COL1A1: variants seen among roughly 807,000 people sequenced by gnomAD.
The protein encoded by COL1A1 is collagen alpha-1(I) chain.
COL1A1 carries 21 observed loss-of-function variants against 195.7 expected under a neutral mutation model. That is an observed-to-expected ratio of 0.11 (90% CI 0.08 to 0.15). The LOEUF is 0.15. Ranked by LOEUF, COL1A1 falls within the 10% of genes least tolerant of loss-of-function variation. The pLI is 1.00. For missense variants in COL1A1, 1,365 were observed against 2,051.0 expected (o/e 0.67, Z 6.46); for synonymous variants, 749 against 747.3 (o/e 1.00, Z -0.04).
rs762805085 is a variant in COL1A1 at position 50,186,804 on chromosome 17, C to T, written c.3650G>A (p.Arg1217Gln). The T allele has an allele frequency of 1.9e-5, 30 of 1,614,138 alleles. No individual in the cohort carries two copies. The highest frequency in any genetic ancestry group is 2.5e-5 in the Non-Finnish European group (29 of 1,180,042). The change falls in exon 48 of 51, where the codon CGG becomes CAG. Residue 1217 changes from arginine to glutamine, a missense_variant. By Grantham distance (43) the Arg-to-Gln change is conservative. Transcript: ENST00000225964. The surrounding 1 kb of genome is among the most constrained non-coding windows in gnomAD (Gnocchi z 5.3). Reference protein sequence around the residue: ...EKAHDGGRYYRADDANVVRDR... With the variant: ...EKAHDGGRYYQADDANVVRDR... ...ACGAACCACATTGGCATCATCAGCC[C>T]GGTAGTAGCGGCCACCATCGTGAGC... is the stretch of plus-strand genomic sequence containing the variant.
In COL1A1 at chr17:50,196,174, G is replaced by T. The variant is rs766151268; in HGVS notation, c.983C>A (p.Thr328Asn). 3.0e-5 allele frequency: 49 copies of T among 1,613,992 alleles called. No homozygotes were observed. The highest frequency in any genetic ancestry group is 4.2e-5 in the Non-Finnish European group (49 of 1,179,992). Residue 328 changes from threonine to asparagine, a missense_variant, in exon 15 of 51, where the codon ACT becomes AAT. Thr to Asn is a moderately conservative substitution (Grantham distance 65). This residue lies in a region of COL1A1 where 226 missense variants were observed against 372.9 expected (regional missense o/e 0.61). Transcript: ENST00000225964. ...ACTCACAGGGGGCCCGGCAGCACCA[G>T]TAGCACCATCATTTCCACGAGCACC... is the stretch of plus-strand genomic sequence containing the variant. ...PAGARGNDGA[T>N]GAAGPPGPTG... is the part of the protein sequence containing the mutation.
Position 50,192,858 on chromosome 17 carries a change from G to C in COL1A1, c.1822-8C>G, listed in dbSNP as rs1325452272. On this transcript the variant is annotated splice_region_variant and splice_polypyrimidine_tract_variant and intron_variant, in intron 26 of 50. Coordinates refer to ENST00000225964, the MANE Select transcript of COL1A1 (RefSeq NM_000088.4). ...ATCTTTGCCAGCAGGACCCTGCAGGGAGAGAGCAAAGGGGAACTCAGGGTT... is the reference window on the plus strand; with the variant it reads ...ATCTTTGCCAGCAGGACCCTGCAGGCAGAGAGCAAAGGGGAACTCAGGGTT... 2 of 1,613,964 alleles carry C rather than the reference G, an allele frequency of 1.2e-6. No homozygotes were observed. The highest frequency in any genetic ancestry group is 1.3e-5 in the African/African-American group (1 of 74,932).
rs181824088 is a variant in COL1A1, at chr17:50,189,453, C to A, written c.2753G>T (p.Arg918Leu). The change falls in exon 39 of 51, where the codon CGT (arginine) becomes CTT (leucine). Residue 918 changes from arginine to leucine, a missense_variant. Coordinates refer to ENST00000225964, the MANE Select transcript of COL1A1 (RefSeq NM_000088.4). This position sits in a 1 kb window ranked among gnomAD's most constrained non-coding sequence, Gnocchi z 5.5. ...ACCAGGGGGACCAACTTCACCAGGA[C>A]GTCCAGCAGGGCCAGTCTCACCACG... ...GPRGETGPAG[R>L]PGEVGPPGPP... 9 of 1,612,958 alleles carry A rather than the reference C, an allele frequency of 5.6e-6. No individual in the cohort carries two copies. The highest frequency in any genetic ancestry group is 7.6e-6 in the Non-Finnish European group (9 of 1,179,620).
chr17:50,186,517 G>C lies in COL1A1; in HGVS notation c.3815-10C>G. 6.2e-7 allele frequency: 1 copy of C among 1,614,116 alleles called. No homozygotes were observed. The highest frequency in any genetic ancestry group is 8.5e-7 in the Non-Finnish European group (1 of 1,180,006). The stretch of plus-strand genomic sequence containing the variant: ...TCAATCCAGTACTCTCCTGTGGTAG[G>C]GCAGGGCAAGATGGAGTCAGGGAAA... On this transcript the variant is annotated splice_polypyrimidine_tract_variant and intron_variant, in intron 48 of 50. Coordinates refer to ENST00000225964, the MANE Select transcript of COL1A1 (RefSeq NM_000088.4). The surrounding 1 kb of genome is among the most constrained non-coding windows in gnomAD (Gnocchi z 5.3).
chr17:50,197,781 G>A lies in COL1A1; in HGVS notation c.647C>T (p.Pro216Leu). Residue 216 changes from proline to leucine, a missense_variant, in exon 9 of 51, where the codon CCC becomes CTC. Around this residue, in one of 5 missense-constraint regions of COL1A1, gnomAD observed 226 missense variants for 372.9 expected, o/e 0.61. Transcript: ENST00000225964. ...ACCTGGGGGACCTCGGGGACCCATG[G>A]GACCCTAGAAAAGATAGAAGAGGTG... ...GEPGEPGASG[P>L]MGPRGPPGPP... 1 of 1,609,006 alleles carries A rather than the reference G, an allele frequency of 6.2e-7. No homozygotes were observed. The highest frequency in any genetic ancestry group is 8.5e-7 in the Non-Finnish European group (1 of 1,178,394).
Position 50,186,653 on chromosome 17 carries a change from A to C in COL1A1, c.3801T>G (p.Ser1267=). The C allele has an allele frequency of 6.2e-7, 1 of 1,613,722 alleles. No individual in the cohort carries two copies. The highest frequency in any genetic ancestry group is 8.5e-7 in the Non-Finnish European group (1 of 1,180,014). ...GCAGGCCCTCACCACTCTTCCAGTC[A>C]GAGTGGCACATCTTGAGGTCACGGC... ...RTCRDLKMCH[S]DWKSGEYWID... The change falls in exon 48 of 51, where the codon TCT becomes TCG. Residue 1267 remains serine, a synonymous_variant. Coordinates refer to ENST00000225964, the MANE Select transcript of COL1A1 (RefSeq NM_000088.4). This position sits in a 1 kb window ranked among gnomAD's most constrained non-coding sequence, Gnocchi z 5.3.
In COL1A1 at chr17:50,188,844, T is replaced by C; in HGVS notation, c.3046-49A>G. 1 of 1,606,178 alleles carries C rather than the reference T, an allele frequency of 6.2e-7. No individual in the cohort carries two copies. The highest frequency in any genetic ancestry group is 1.1e-5 in the South Asian group (1 of 90,916). ...TGAGAGTCAGCCGGGGAAGAGGGCT[T>C]AGGCAAGGCCACAATGGCCATGCTG... On this transcript the variant is annotated intron_variant, in intron 41 of 50. Coordinates refer to ENST00000225964, the MANE Select transcript of COL1A1 (RefSeq NM_000088.4). The surrounding 1 kb of genome is among the most constrained non-coding windows in gnomAD (Gnocchi z 5.6).
chr17:50,193,669 G>A, intron 25 of COL1A1: 1 of 431,356 alleles, frequency 2.3e-6, no homozygotes, highest in Admixed American at 3.4e-5. Flanking sequence ...TTTTAGTAGA[G>A]ACGTGGTTTC....
Position 50,185,844 on chromosome 17 carries a change from G to A in COL1A1, c.4182C>T (p.Asn1394=), listed in dbSNP as rs755763693. The A allele has an allele frequency of 8.1e-6, 13 of 1,614,058 alleles. No individual in the cohort carries two copies. The highest frequency in any genetic ancestry group is 3.3e-4 in the Middle Eastern group (2 of 6,084). ...LKKALLLQGS[N]EIEIRAEGNS... is the part of the protein sequence containing the mutation. ...TGCCCTCGGCGCGGATCTCGATCTC[G>A]TTGGAGCCCTGGAGGAGCAGGGCCT... Residue 1394 remains asparagine, a synonymous_variant, in exon 50 of 51, where the codon AAC becomes AAT. Transcript: ENST00000225964.
rs41316671 is a variant in COL1A1 at position 50,192,756 on chromosome 17, C to G, written c.1875+41G>C. On this transcript the variant is annotated intron_variant, in intron 27 of 50. Coordinates refer to ENST00000225964, the MANE Select transcript of COL1A1 (RefSeq NM_000088.4). ...GGAGACGAGGGGCTGAGGGTGTCTC[C>G]CCTTTTCTGCTCCCCAGATCTCCCC... 13,799 of 1,614,036 alleles carry G rather than the reference C, an allele frequency of 8.5e-3. 530 individuals carry two copies. The East Asian group carries it at 0.11, about 13-fold the overall frequency.
In COL1A1 at chr17:50,190,993, G is replaced by A. The variant is rs1462264950; in HGVS notation, c.2236-69C>T. 148 of 1,472,840 alleles carry A rather than the reference G, an allele frequency of 1.0e-4. No homozygotes were observed. The highest frequency in any genetic ancestry group is 6.6e-6 in the Non-Finnish European group (7 of 1,059,872). The allele number at this position is 1,472,840 out of a possible 1,614,324, so 91.2% of individuals were successfully genotyped here. The stretch of plus-strand genomic sequence containing the variant: ...AGGTGACCTATAGTGTTCTGCTTGT[G>A]TCTGGGTTTCCTGAGAGGCCCTCTG... On this transcript the variant is annotated intron_variant, in intron 32 of 50. Transcript: ENST00000225964. This position sits in a 1 kb window ranked among gnomAD's most constrained non-coding sequence, Gnocchi z 4.7.
In COL1A1 at chr17:50,186,424, C is replaced by T. The variant is rs192986202; in HGVS notation, c.3898G>A (p.Val1300Met). The T allele has an allele frequency of 1.7e-5, 27 of 1,614,194 alleles. No homozygotes were observed. Among genetic ancestry groups the T allele is most frequent in the South Asian group, 3.3e-5 (3 of 91,092 alleles). Residue 1300 changes from valine (V) to methionine (M), a missense_variant, in exon 49 of 51, where the codon GTG (valine) becomes ATG (methionine). Physicochemically the swap from Val to Met is conservative, Grantham distance 21 (BLOSUM62 1). Around this residue, in one of 5 missense-constraint regions of COL1A1, gnomAD observed 273 missense variants for 338.6 expected, o/e 0.81. Coordinates refer to ENST00000225964, the MANE Select transcript of COL1A1 (RefSeq NM_000088.4). The surrounding 1 kb of genome is among the most constrained non-coding windows in gnomAD (Gnocchi z 5.3). ...FCNMETGETC[V>M]YPTQPSVAQK... ...GCCACACTGGGCTGAGTGGGGTACACGCAGGTCTCACCAGTCTCCATGTTG... is the reference window on the plus strand; with the variant it reads ...GCCACACTGGGCTGAGTGGGGTACATGCAGGTCTCACCAGTCTCCATGTTG...
chr17:50,195,643 G>A lies in COL1A1; in HGVS notation c.1079C>T (p.Pro360Leu), dbSNP rs1266970990. Reference sequence around the variant, plus strand: ...ACCCTGGGGACCTTCAGAGCCTCGGGGCCCTTGGGGACCAGCTTCACCCTG... The same window carrying A: ...ACCCTGGGGACCTTCAGAGCCTCGGAGCCCTTGGGGACCAGCTTCACCCTG... ...GAKGEAGPQGPRGSEGPQGVR... is the reference protein window; with the variant it reads ...GAKGEAGPQGLRGSEGPQGVR... The change falls in exon 17 of 51, where the codon CCC becomes CTC. Residue 360 changes from proline (P) to leucine (L), a missense_variant. Transcript: ENST00000225964. The surrounding 1 kb of genome is among the most constrained non-coding windows in gnomAD (Gnocchi z 4.3). 1.9e-6 allele frequency: 3 copies of A among 1,613,760 alleles called. No homozygotes were observed. The highest frequency in any genetic ancestry group is 2.5e-6 in the Non-Finnish European group (3 of 1,179,884).
chr17:50,187,042 G>A lies in COL1A1; in HGVS notation c.3504C>T (p.Arg1168=), dbSNP rs370529603. Residue 1168 remains arginine (R), a synonymous_variant, in exon 47 of 51, where the codon CGC becomes CGT. Coordinates refer to ENST00000225964, the MANE Select transcript of COL1A1 (RefSeq NM_000088.4). ...CAGGACCAGCATCACCAGTGCGACC[G>A]CGAGGACCAGGGGGCCCAATGGGGC... ...LPGPIGPPGP[R]GRTGDAGPVG... 35 of 1,613,634 alleles carry A rather than the reference G, an allele frequency of 2.2e-5. No homozygotes were observed. Among genetic ancestry groups the A allele is most frequent in the Admixed American group, 5.0e-5 (3 of 59,908 alleles).
intron 11 of COL1A1, among the ~76,000 whole-genome samples, 157 bp downstream of exon 11, chr17:50,196,853 G>A (rs1169568588): frequency 6.6e-6 from 1 of 152,180 alleles, no homozygotes; most frequent in East Asian, 1.9e-4. Context: ...GCTTTCCCAT[G>A]GAGGGAGGTG....
At position 50,199,698 on chromosome 17, in the gene COL1A1, AGCCCCAGGCCCCAGGCCCCAG is replaced by A. The variant is rs150854949; in HGVS notation, c.298+34_298+54del. On this transcript the variant is annotated intron_variant, in intron 2 of 50. Transcript: ENST00000225964. ...GCGAGCGCCGACCACCCCCAGCCCC[AGCCCCAGGCCCCAGGCCCCAG>A]GCCCCAGGCCCCAGGCCCCGAGCGC... 0.64 allele frequency: 1,015,542 copies of A among 1,594,968 alleles called. 328,943 individuals are homozygous for A. The highest frequency in any genetic ancestry group is 0.66 in the Non-Finnish European group (777,168 of 1,172,288).
At chr17:50,201,016 G>A (rs1034183865) in intron 1 of COL1A1, among the ~76,000 whole-genome samples, 2 of 152,244 alleles carry the variant, frequency 1.3e-5, no homozygotes, top group African/African-American at 4.8e-5. Flanking sequence ...CGCAGAGAGG[G>A]CAATCTTTCC....
chr17:50,192,001 G>T lies in COL1A1; in HGVS notation c.2007C>A (p.Ala669=). ...TTACTCTTGCTCCAGAGGGGCCAGG[G>T]GCGCCAAGGTCTCCAGGAACACCCT... ...GEQGVPGDLG[A]PGPSGARGER... is the part of the protein sequence containing the mutation. The change falls in exon 30 of 51, where the codon GCC becomes GCA. Residue 669 remains alanine (A), a synonymous_variant. Transcript: ENST00000225964. 6.2e-7 allele frequency: 1 copy of T among 1,613,178 alleles called. No homozygotes were observed. Among genetic ancestry groups the T allele is most frequent in the Non-Finnish European group, 8.5e-7 (1 of 1,179,780 alleles).
chr17:50,189,490 C>T lies in COL1A1; in HGVS notation c.2716G>A (p.Gly906Ser), dbSNP rs145446512. The change falls in exon 39 of 51, where the codon GGC becomes AGC. Residue 906 changes from glycine to serine, a missense_variant. Gly to Ser is a moderately conservative substitution (Grantham distance 56). This residue lies in a region of COL1A1 where 671 missense variants were observed against 1,099.9 expected (regional missense o/e 0.61). Transcript: ENST00000225964. This position sits in a 1 kb window ranked among gnomAD's most constrained non-coding sequence, Gnocchi z 5.5. ...GPPGPAGKEG[G>S]KGPRGETGPA... Reference sequence around the variant, plus strand: ...CCAGTCTCACCACGGGGACCTTTGCCGCCTTCTTTGCCAGCAGGACCAGGA... The same window carrying T: ...CCAGTCTCACCACGGGGACCTTTGCTGCCTTCTTTGCCAGCAGGACCAGGA... 214 of 1,613,586 alleles carry T rather than the reference C, an allele frequency of 1.3e-4. No individual in the cohort carries two copies. The African/African-American group carries it at 1.4e-3, about 11-fold the overall frequency.
Sources: gnomAD v4.1 joint callset for allele counts (sites outside exome capture counted in the v4.1 genomes callset) on GRCh38, gnomAD v4.1.1 for gene constraint, gnomAD v4.1.1 regional missense constraint, Gnocchi (gnomAD v3.1) non-coding constraint, MANE v1.5 for transcripts, NCBI Gene and HGNC (gene_info 2026-07-23, HGNC 2026-07-21) for gene names.